Variants in PTPRD observed in about 807,000 individuals in gnomAD.
PTPRD encodes the protein protein tyrosine phosphatase receptor type D.
In PTPRD, 34 loss-of-function variants were observed where a neutral mutation model predicts 214.5. That is an observed-to-expected ratio of 0.16 (90% CI 0.12 to 0.21). PTPRD has a LOEUF of 0.21. Among genes scored for constraint, PTPRD ranks in the 10% least tolerant of loss-of-function variants. The pLI, the probability that PTPRD is intolerant of heterozygous loss-of-function variation, is 1.00. For synonymous variants in PTPRD, 1,128 were observed against 845.7 expected (o/e 1.33, Z -5.79); for missense variants, 2,545 against 2,398.7 (o/e 1.06, Z -1.27).
At chr9:9,171,355 A>G (rs571926684) in intron 10 of PTPRD, among the ~76,000 whole-genome samples, 2 of 149,570 alleles carry the variant, frequency 1.3e-5, no homozygotes, top group African/African-American at 4.9e-5. Flanking sequence ...ATATAAATAT[A>G]ATTAGATTAT....
intron 3 of PTPRD, among the ~76,000 whole-genome samples, chr9:10,266,017 T>A (rs2094029157): frequency 6.6e-6 from 1 of 152,294 alleles, no homozygotes; most frequent in Middle Eastern, 3.4e-3. Context: ...ATTACTAAAC[T>A]TATATTAACT....
At chr9:9,930,116 A>T (rs1043894727) in intron 5 of PTPRD, among the ~76,000 whole-genome samples, 1 of 152,224 alleles carries the variant, frequency 6.6e-6, no homozygotes, top group African/African-American at 2.4e-5. Flanking sequence ...GAGCTCCAGG[A>T]GTATCTACCT....
chr9:10,182,596 C>G (rs915541452), intron 3 of PTPRD, among the ~76,000 whole-genome samples: 2 of 151,862 alleles, frequency 1.3e-5, no homozygotes, highest in Non-Finnish European at 2.9e-5. Flanking sequence ...GAGGGGGAAA[C>G]CAAAATGACA....
chr9:10,603,479 T>A (rs549666323), intron 2 of PTPRD, among the ~76,000 whole-genome samples: 2 of 152,038 alleles, frequency 1.3e-5, no homozygotes, highest in South Asian at 4.1e-4. Context: ...GCTTTTCATG[T>A]ACAGAATCTA....
chr9:9,058,701 G>A (rs546056948), intron 10 of PTPRD, among the ~76,000 whole-genome samples: 239 of 151,164 alleles, frequency 1.6e-3, no homozygotes, highest in Non-Finnish European at 2.6e-3. Context: ...CGCCCGCCTC[G>A]GCCTCCCAAA....
chr9:9,720,693 G>C (rs527987399), intron 7 of PTPRD, among the ~76,000 whole-genome samples: 3 of 152,146 alleles, frequency 2.0e-5, no homozygotes, highest in African/African-American at 7.2e-5. Context: ...ACATACACAG[G>C]AGTTTAAATT....
Position 10,405,161 on chromosome 9 carries a change from C to T in PTPRD, c.-599-64144G>A, listed in dbSNP as rs1420284537. On this transcript the variant is annotated intron_variant, in intron 2 of 45. Transcript: ENST00000381196. ...TAAAGAAACTACAAAATTAACCTTC[C>T]AAAAAAGGAACTGGGGTCAGCTCTT... Among the ~76,000 whole-genome samples the T allele has an allele frequency of 4.6e-5, 7 of 151,512 alleles. No homozygotes were observed. In the South Asian group the frequency reaches 1.2e-3, roughly 27 times the overall value.
chr9:9,587,619 G>C (rs1028096834), intron 7 of PTPRD, among the ~76,000 whole-genome samples: 1 of 151,898 alleles, frequency 6.6e-6, no homozygotes, highest in Non-Finnish European at 1.5e-5. Flanking sequence ...AAAGGCTGGG[G>C]GTCTCACTAA....
chr9:9,500,875 G>A (rs1199718020), intron 8 of PTPRD, among the ~76,000 whole-genome samples: 2 of 151,814 alleles, frequency 1.3e-5, no homozygotes, highest in Non-Finnish European at 2.9e-5. Flanking sequence ...GATTCTAAAT[G>A]GACTTATTAC....
At chr9:9,489,061 A>G (rs2095788540) in intron 8 of PTPRD, among the ~76,000 whole-genome samples, 1 of 151,994 alleles carries the variant, frequency 6.6e-6, no homozygotes, top group Admixed American at 6.6e-5. Context: ...AAGGGCCAGC[A>G]CTCTTTTTAC....
chr9:9,150,551 G>A (rs2099875897), intron 10 of PTPRD, among the ~76,000 whole-genome samples: 1 of 150,504 alleles, frequency 6.6e-6, no homozygotes, highest in African/African-American at 2.4e-5. Flanking sequence ...GTGCAATGGT[G>A]TGATTTCAGC....
intron 30 of PTPRD, among the ~76,000 whole-genome samples, chr9:8,478,214 A>C (rs1591542803): frequency 6.6e-6 from 1 of 152,180 alleles, no homozygotes; most frequent in Non-Finnish European, 1.5e-5. Flanking sequence ...AGTAAATTGC[A>C]AAGTACTATA....
At chr9:9,037,225 G>C (rs567859879) in intron 10 of PTPRD, among the ~76,000 whole-genome samples, 1 of 152,172 alleles carries the variant, frequency 6.6e-6, no homozygotes, top group South Asian at 2.1e-4. Context: ...AGATAATTTA[G>C]TCCAAATCCT....
chr9:8,715,479 T>C (rs2098421620), intron 12 of PTPRD, among the ~76,000 whole-genome samples: 1 of 152,118 alleles, frequency 6.6e-6, no homozygotes, highest in Non-Finnish European at 1.5e-5. Flanking sequence ...AATTAAAAAA[T>C]ATATATGCTC....
At chr9:8,902,192 T>C (rs1411829658) in intron 11 of PTPRD, among the ~76,000 whole-genome samples, 1 of 152,166 alleles carries the variant, frequency 6.6e-6, no homozygotes, top group East Asian at 1.9e-4. Context: ...TTTATGACAC[T>C]GTCATGTGAC....
intron 9 of PTPRD, among the ~76,000 whole-genome samples, chr9:9,350,884 C>A (rs2138154349): frequency 6.6e-6 from 1 of 152,094 alleles, no homozygotes; most frequent in African/African-American, 2.4e-5. Flanking sequence ...ATTTTAAGAT[C>A]CTCTTTTTCT....
intron 12 of PTPRD, among the ~76,000 whole-genome samples, chr9:8,674,832 G>GT (rs553080109): frequency 2.0e-5 from 3 of 152,024 alleles, no homozygotes; most frequent in African/African-American, 4.8e-5. Flanking sequence ...AAATTGGGTT[G>GT]TTTTTTGTAT....
At chr9:10,156,313 C>A (rs1222680810) in intron 3 of PTPRD, among the ~76,000 whole-genome samples, 5 of 152,058 alleles carry the variant, frequency 3.3e-5, no homozygotes, top group Non-Finnish European at 7.4e-5. Context: ...TAGCTATGTG[C>A]CAGAGATTCT....
At chr9:9,458,657 A>C (rs1485846441) in intron 8 of PTPRD, among the ~76,000 whole-genome samples, 1 of 152,042 alleles carries the variant, frequency 6.6e-6, no homozygotes. Flanking sequence ...GAAAGACAAA[A>C]ATGACCAAGT....
Sources: gnomAD v4.1 joint callset for allele counts (sites outside exome capture counted in the v4.1 genomes callset) on GRCh38, gnomAD v4.1.1 for gene constraint, MANE v1.5 for transcripts, NCBI Gene and HGNC (gene_info 2026-07-23, HGNC 2026-07-21) for gene names.